The following RASSF1 variants were observed in gnomAD, a reference collection of about 807,000 sequenced individuals.
The protein encoded by RASSF1 is Ras association domain family member 1.
Under a neutral mutation model 34.3 loss-of-function variants are expected in RASSF1, and 33 were observed. That is an observed-to-expected ratio of 0.96 (90% CI 0.73 to 1.29). The LOEUF (loss-of-function observed/expected upper bound fraction) is 1.29. RASSF1 is among the 50% of genes most tolerant of loss of function. The probability of loss-of-function intolerance (pLI) is 0.00; values close to 1 mark genes in which losing one functional copy is unlikely to be tolerated. For missense variants in RASSF1, 445 were observed against 471.8 expected (o/e 0.94, Z 0.53); for synonymous variants, 191 against 195.0 (o/e 0.98, Z 0.17).
intron 2 of RASSF1, among the ~76,000 whole-genome samples, chr3:50,333,500 G>A (rs587768846): frequency 8.2e-4 from 123 of 150,718 alleles, no homozygotes; most frequent in African/African-American, 2.8e-3. Context: ...TTTTTGAGAC[G>A]AAGCCTCACT....
Position 50,331,543 on chromosome 3 carries a change from G to A in RASSF1, c.760+16C>T. 1 of 1,581,734 alleles carries A rather than the reference G, an allele frequency of 6.3e-7. No homozygotes were observed. Among genetic ancestry groups the A allele is most frequent in the Non-Finnish European group, 8.6e-7 (1 of 1,156,924 alleles). ...TATATACCCTCACATAGGGCAGGGTGGGGTGGGAAGCCCACCTTGGCCGTG... is the reference window on the plus strand; with the variant it reads ...TATATACCCTCACATAGGGCAGGGTAGGGTGGGAAGCCCACCTTGGCCGTG... On this transcript the variant is annotated intron_variant, in intron 4 of 5. Coordinates refer to ENST00000359365, the MANE Select transcript of RASSF1 (RefSeq NM_007182.5).
chr3:50,337,466 G>C, intron 2 of RASSF1: 1 of 1,556,962 alleles, frequency 6.4e-7, no homozygotes, highest in Non-Finnish European at 8.6e-7. Context: ...GTAGATCGCC[G>C]GGATCTAGCT....
intron 2 of RASSF1, chr3:50,336,764 C>T (rs1398398981): frequency 5.2e-6 from 1 of 193,402 alleles, no homozygotes; most frequent in Non-Finnish European, 1.1e-5. Context: ...ACATACTTCT[C>T]AATTCCTGGC....
rs201825402 is a variant in RASSF1 at position 50,331,579 on chromosome 3, C to A, written c.740G>T (p.Arg247Leu). ...DDPRKFALFE[R>L]AERHGQVYLR... ...CCCACCTTGGCCGTGACGCTCAGCG[C>A]GCTCAAAGAGTGCAAACTTGCGGGG... is the stretch of plus-strand genomic sequence containing the variant. Residue 247 changes from arginine (R) to leucine (L), a missense_variant, in exon 4 of 6, where the codon CGC becomes CTC. By Grantham distance (102) the Arg-to-Leu change is moderately radical (BLOSUM62 -2). Coordinates refer to ENST00000359365, the MANE Select transcript of RASSF1 (RefSeq NM_007182.5). 1 of 1,596,084 alleles carries A rather than the reference C, an allele frequency of 6.3e-7. No homozygotes were observed. The highest frequency in any genetic ancestry group is 8.6e-7 in the Non-Finnish European group (1 of 1,165,418).
At chr3:50,335,744 TAC>T in intron 2 of RASSF1, among the ~76,000 whole-genome samples, 1 of 151,884 alleles carries the variant, frequency 6.6e-6, no homozygotes, top group East Asian at 1.9e-4. Flanking sequence ...TAGCTGGGAC[TAC>T]AGTCACACAC....
intron 1 of RASSF1, among the ~76,000 whole-genome samples, chr3:50,339,836 T>A (rs909791915): frequency 6.6e-6 from 1 of 152,150 alleles, no homozygotes; most frequent in Non-Finnish European, 1.5e-5. Flanking sequence ...CCAGACTCCA[T>A]GTTACAATAA....
Position 50,331,317 on chromosome 3 carries a change from A to G in RASSF1, c.876+17T>C, listed in dbSNP as rs749043172. On this transcript the variant is annotated intron_variant, in intron 5 of 5. Transcript: ENST00000359365. The stretch of plus-strand genomic sequence containing the variant: ...CCTGTCTAGTGACAACCAAGAAACT[A>G]AGAACTATGTACTCACGTTCACCTC... 6.6e-7 allele frequency: 1 copy of G among 1,512,836 alleles called. No individual in the cohort carries two copies. Among genetic ancestry groups the G allele is most frequent in the South Asian group, 1.2e-5 (1 of 82,406 alleles). The allele number at this position is 1,512,836 out of a possible 1,614,324, so 93.7% of individuals were successfully genotyped here.
intron 2 of RASSF1, 74 bp downstream of exon 2, chr3:50,337,831 G>A: frequency 1.5e-6 from 2 of 1,368,892 alleles, no homozygotes; most frequent in East Asian, 4.7e-5. Context: ...CGGCACCCAG[G>A]CAGCCCTCGA....
chr3:50,338,789 A>G (rs1703259308), intron 1 of RASSF1, among the ~76,000 whole-genome samples: 1 of 152,068 alleles, frequency 6.6e-6, no homozygotes, highest in Non-Finnish European at 1.5e-5. Context: ...ACTGCCCGGG[A>G]CAGGGTCCTC....
intron 4 of RASSF1, 34 bp downstream of exon 4, chr3:50,331,525 C>A: frequency 1.3e-6 from 2 of 1,576,106 alleles, no homozygotes; most frequent in Middle Eastern, 1.7e-4. Flanking sequence ...GCGTATATAC[C>A]CTCACATAGG....
At chr3:50,340,442 T>C in intron 1 of RASSF1, 114 bp downstream of exon 1, 2 of 1,312,934 alleles carry the variant, frequency 1.5e-6, no homozygotes, top group South Asian at 3.4e-5. Context: ...GTAACGGACC[T>C]AGTCCTCGGG....
intron 2 of RASSF1, chr3:50,337,401 T>C: frequency 6.3e-7 from 1 of 1,588,744 alleles, no homozygotes; most frequent in Non-Finnish European, 8.6e-7. Flanking sequence ...TGTACGCGTG[T>C]CAGTGTGCGC....
chr3:50,337,481 T>A (rs1575546674), intron 2 of RASSF1: 13 of 1,544,764 alleles, frequency 8.4e-6, no homozygotes, highest in Non-Finnish European at 1.0e-5. Flanking sequence ...CTAGCTCTTG[T>A]CTCATTGGGG....
rs1338702883 is a variant in RASSF1 at position 50,338,083 on chromosome 3, C to T, written c.251-72G>A. The T allele has an allele frequency of 3.9e-6, 6 of 1,528,080 alleles. No homozygotes were observed. In the Admixed American group the frequency reaches 8.0e-5, roughly 20 times the overall value. 94.7% of individuals were successfully genotyped at this position (1,528,080 alleles called of 1,614,324 possible). ...AATGTCCCGGAGATTGAAGGGAAGC[C>T]CCAGGGAGAGGGCCGCTGCTCGCCA... is the stretch of plus-strand genomic sequence containing the variant. On this transcript the variant is annotated intron_variant, in intron 1 of 5. Transcript: ENST00000359365.
chr3:50,337,853 C>A, intron 2 of RASSF1, 52 bp downstream of exon 2: 4 of 1,482,500 alleles, frequency 2.7e-6, no homozygotes, highest in Non-Finnish European at 3.7e-6. Flanking sequence ...AATGCCTGCA[C>A]TGTGGCCTGC....
At chr3:50,337,395 C>T in intron 2 of RASSF1, 1 of 1,591,126 alleles carries the variant, frequency 6.3e-7, no homozygotes, top group East Asian at 2.2e-5. Flanking sequence ...CGTGCGTGTA[C>T]GCGTGTCAGT....
In RASSF1 at chr3:50,337,359, C is replaced by T. The variant is rs758018080; in HGVS notation, c.357+546G>A. Reference sequence around the variant, plus strand: ...GTCCCCCAGTCCTGCGCGTCCGTAGCCGCCAACCACCGCCCCGGTCGCGTG... The same window carrying T: ...GTCCCCCAGTCCTGCGCGTCCGTAGTCGCCAACCACCGCCCCGGTCGCGTG... On this transcript the variant is annotated intron_variant, in intron 2 of 5. Coordinates refer to ENST00000359365, the MANE Select transcript of RASSF1 (RefSeq NM_007182.5). The T allele has an allele frequency of 5.6e-6, 9 of 1,602,806 alleles. No homozygotes were observed. In the Admixed American group the frequency reaches 1.5e-4, roughly 27 times the overall value.
intron 1 of RASSF1, chr3:50,338,310 G>T (rs1703239247): frequency 2.2e-6 from 2 of 918,906 alleles, no homozygotes; most frequent in African/African-American, 1.7e-5. Flanking sequence ...ACTGCGTCTT[G>T]CTTTTGTCAC....
chr3:50,336,772 G>A lies in RASSF1; in HGVS notation c.357+1133C>T, dbSNP rs1703152745. The A allele has an allele frequency of 3.0e-5, 6 of 199,750 alleles. No individual in the cohort carries two copies. In the South Asian group the frequency reaches 5.1e-4, roughly 17 times the overall value. 12.4% of individuals were successfully genotyped at this position (199,750 alleles called of 1,614,324 possible). The stretch of plus-strand genomic sequence containing the variant: ...TTCCTAAACATACTTCTCAATTCCT[G>A]GCGAGGACTCTTCCCTCTCCACATC... On this transcript the variant is annotated intron_variant, in intron 2 of 5. Transcript: ENST00000359365.
Sources: gnomAD v4.1 joint callset for allele counts (sites outside exome capture counted in the v4.1 genomes callset) on GRCh38, gnomAD v4.1.1 for gene constraint, MANE v1.5 for transcripts, NCBI Gene and HGNC (gene_info 2026-07-23, HGNC 2026-07-21) for gene names.